Variants in RAB11A observed in about 807,000 individuals in gnomAD.
RAB11A encodes RAB11A, member RAS oncogene family, also known as ras-related protein Rab-11A.
A neutral mutation model predicts 28.0 loss-of-function variants in RAB11A; 9 were observed. That is an observed-to-expected ratio of 0.32 (90% CI 0.19 to 0.56). The LOEUF (loss-of-function observed/expected upper bound fraction) is 0.56, where lower values mean the gene tolerates loss of function less well. Ranked by LOEUF, RAB11A falls within the 20% of genes least tolerant of loss-of-function variation. The probability of loss-of-function intolerance (pLI) is 0.91; values close to 1 mark genes in which losing one functional copy is unlikely to be tolerated. For synonymous variants in RAB11A, 85 were observed against 88.2 expected, an observed-to-expected ratio of 0.96 and a Z score of 0.20; for missense variants, 108 against 269.6, an observed-to-expected ratio of 0.40 and a Z score of 4.20.
chr15:65,873,502 A>G (rs907862515), intron 1 of RAB11A, among the ~76,000 whole-genome samples: 1 of 152,094 alleles, frequency 6.6e-6, no homozygotes, highest in Non-Finnish European at 1.5e-5. Context: ...GAATCTGGAA[A>G]AACTTGTCTA....
At chr15:65,881,203 C>A (rs2141105926) in intron 4 of RAB11A, among the ~76,000 whole-genome samples, 1 of 152,292 alleles carries the variant, frequency 6.6e-6, no homozygotes, top group East Asian at 1.9e-4. Context: ...GTCAAAGTTT[C>A]ACTGCAGATT....
chr15:65,872,504 G>C (rs1291511960), intron 1 of RAB11A, among the ~76,000 whole-genome samples: 1 of 149,142 alleles, frequency 6.7e-6, no homozygotes, highest in African/African-American at 2.5e-5. Context: ...ACGCGATCTC[G>C]GCTCATTGCA....
chr15:65,889,259 G>T lies in RAB11A; in HGVS notation c.*1419G>T, dbSNP rs896058777. 6.6e-6 allele frequency: 1 copy of T among 152,408 alleles called. No homozygotes were observed. Among genetic ancestry groups the T allele is most frequent in the South Asian group, 2.1e-4 (1 of 4,828 alleles). The allele number at this position is 152,408 out of a possible 1,614,324, so 9.4% of individuals were successfully genotyped here. A position where few individuals can be genotyped will look rare whatever the true frequency, so the allele number is the denominator to read the frequency against. On this transcript the variant is annotated 3_prime_UTR_variant, in exon 5 of 5. Coordinates refer to ENST00000261890, the MANE Select transcript of RAB11A (RefSeq NM_004663.5). Reference sequence around the variant, plus strand: ...GGTGCTCATGATGTGTGGGGCACACGGAAGGCATTGCTGTAGTCAGTCATT... The same window carrying T: ...GGTGCTCATGATGTGTGGGGCACACTGAAGGCATTGCTGTAGTCAGTCATT...
intron 1 of RAB11A, among the ~76,000 whole-genome samples, chr15:65,873,299 C>T (rs1417115183): frequency 6.6e-6 from 1 of 152,170 alleles, no homozygotes; most frequent in African/African-American, 2.4e-5. Flanking sequence ...CACCAATCCA[C>T]AGTTAGATTT....
chr15:65,877,986 AC>A lies in RAB11A; in HGVS notation c.430+33del. On this transcript the variant is annotated intron_variant, in intron 3 of 4. Coordinates refer to ENST00000261890, the MANE Select transcript of RAB11A (RefSeq NM_004663.5). This position sits in a 1 kb window ranked among gnomAD's most constrained non-coding sequence, Gnocchi z 4.1. The stretch of plus-strand genomic sequence containing the variant: ...TGATAGGAATTCCATGATATTTCTT[AC>A]CATTGTGTCTTGTGGTTTTGATACC... The A allele has an allele frequency of 6.3e-7, 1 of 1,575,228 alleles. No individual in the cohort carries two copies. The highest frequency in any genetic ancestry group is 8.7e-7 in the Non-Finnish European group (1 of 1,144,926).
chr15:65,870,314 C>T (rs1253172303), intron 1 of RAB11A, among the ~76,000 whole-genome samples: 1 of 152,262 alleles, frequency 6.6e-6, no homozygotes, highest in Non-Finnish European at 1.5e-5. Flanking sequence ...CTCTCTCTAC[C>T]TTCCCTCCCC....
intron 1 of RAB11A, among the ~76,000 whole-genome samples, chr15:65,870,246 G>A (rs1287644539): frequency 6.6e-6 from 1 of 152,116 alleles, no homozygotes; most frequent in East Asian, 1.9e-4. Flanking sequence ...TCCGCCCCGC[G>A]GTTCTCGCGG....
chr15:65,872,102 C>T (rs555266459), intron 1 of RAB11A, among the ~76,000 whole-genome samples: 17 of 151,294 alleles, frequency 1.1e-4, no homozygotes, highest in South Asian at 2.1e-4. Context: ...TACAGGAGCG[C>T]GCCACCACGC....
chr15:65,884,154 A>T (rs1301658110), intron 4 of RAB11A, among the ~76,000 whole-genome samples: 1 of 145,984 alleles, frequency 6.9e-6, no homozygotes, highest in African/African-American at 2.5e-5. Flanking sequence ...ATTAAAATTA[A>T]AAAAAAAAAG....
At chr15:65,872,107 C>G (rs1207455685) in intron 1 of RAB11A, among the ~76,000 whole-genome samples, 1 of 151,350 alleles carries the variant, frequency 6.6e-6, no homozygotes, top group Admixed American at 6.6e-5. Flanking sequence ...GAGCGCGCCA[C>G]CACGCCCGGC....
chr15:65,869,515 C>G lies in RAB11A; in HGVS notation c.-71C>G. 2 of 1,579,092 alleles carry G rather than the reference C, an allele frequency of 1.3e-6. No homozygotes were observed. Among genetic ancestry groups the G allele is most frequent in the Non-Finnish European group, 1.7e-6 (2 of 1,164,080 alleles). ...CAGTTGAAGCTCGGCGCTCGGGTTACCCCTGCAGCGACGCCCCCTGGTCCC... is the reference window on the plus strand; with the variant it reads ...CAGTTGAAGCTCGGCGCTCGGGTTAGCCCTGCAGCGACGCCCCCTGGTCCC... On this transcript the variant is annotated 5_prime_UTR_variant, in exon 1 of 5. Coordinates refer to ENST00000261890, the MANE Select transcript of RAB11A (RefSeq NM_004663.5).
At chr15:65,884,538 A>C (rs1162298638) in intron 4 of RAB11A, among the ~76,000 whole-genome samples, 2 of 152,154 alleles carry the variant, frequency 1.3e-5, no homozygotes, top group East Asian at 3.8e-4. Flanking sequence ...GAAGTAAATA[A>C]TTAAAGAGAT....
At chr15:65,887,198 G>T (rs1335908314) in intron 4 of RAB11A, among the ~76,000 whole-genome samples, 2 of 147,640 alleles carry the variant, frequency 1.4e-5, no homozygotes, top group African/African-American at 5.0e-5. Context: ...TTTTGAGACC[G>T]AGTCTTGCTC....
intron 1 of RAB11A, among the ~76,000 whole-genome samples, chr15:65,875,419 C>T (rs2078186220): frequency 6.6e-6 from 1 of 152,150 alleles, no homozygotes; most frequent in Non-Finnish European, 1.5e-5. Flanking sequence ...GATTTGACTT[C>T]ATATCCAGAA....
intron 1 of RAB11A, among the ~76,000 whole-genome samples, chr15:65,873,061 G>A (rs1039261245): frequency 6.6e-6 from 1 of 152,208 alleles, no homozygotes; most frequent in East Asian, 1.9e-4. Context: ...AATGTGGGGC[G>A]AGCAGGACAA....
intron 4 of RAB11A, among the ~76,000 whole-genome samples, chr15:65,887,208 C>G (rs1352618135): frequency 6.7e-6 from 1 of 149,202 alleles, no homozygotes; most frequent in African/African-American, 2.5e-5. Flanking sequence ...GAGTCTTGCT[C>G]TGTTGTCTAG....
intron 4 of RAB11A, among the ~76,000 whole-genome samples, chr15:65,881,098 A>T (rs11856364): frequency 0.011 from 1,682 of 152,260 alleles, 37 homozygotes; most frequent in African/African-American, 0.038. Context: ...TTATGTACCT[A>T]TTTTATTATA....
intron 1 of RAB11A, among the ~76,000 whole-genome samples, chr15:65,871,738 A>G (rs1252997447): frequency 6.6e-6 from 1 of 152,108 alleles, no homozygotes; most frequent in Non-Finnish European, 1.5e-5. Flanking sequence ...CTCAGGTCTT[A>G]TATTTACTTT....
At chr15:65,879,195 C>G (rs563783713) in intron 3 of RAB11A, among the ~76,000 whole-genome samples, 1 of 152,248 alleles carries the variant, frequency 6.6e-6, no homozygotes, top group South Asian at 2.1e-4. Flanking sequence ...AGCAAAACCT[C>G]TCTCCAGTGT....
Sources: allele counts gnomAD v4.1 joint callset (sites outside exome capture counted in the v4.1 genomes callset), GRCh38; gene constraint gnomAD v4.1.1; non-coding constraint Gnocchi (gnomAD v3.1); transcripts MANE v1.5; gene names NCBI Gene and HGNC (gene_info 2026-07-23, HGNC 2026-07-21).